Variants in RALGAPA1 observed in about 807,000 individuals in gnomAD.
RALGAPA1 encodes ral GTPase-activating protein subunit alpha-1.
Under a neutral mutation model 269.6 loss-of-function variants are expected in RALGAPA1, and 52 were observed. The observed-to-expected ratio is 0.19, with a 90% CI of 0.15 to 0.24. The LOEUF is 0.24. RALGAPA1 is among the 10% of genes least tolerant of loss of function. The pLI, the probability that RALGAPA1 is intolerant of heterozygous loss-of-function variation, is 1.00. For missense variants in RALGAPA1, 1,917 were observed against 3,013.9 expected (o/e 0.64, Z 8.52); for synonymous variants, 817 against 1,008.3 (o/e 0.81, Z 3.60).
At chr14:35,652,364 T>TTATATATATATA (rs10645179) in intron 30 of RALGAPA1, among the ~76,000 whole-genome samples, 102 of 147,944 alleles carry the variant, frequency 6.9e-4, no homozygotes, top group African/African-American at 2.5e-3. Flanking sequence ...GGCCTTTTGT[T>TTATATATATATA]TATATATATA....
intron 39 of RALGAPA1, among the ~76,000 whole-genome samples, chr14:35,553,128 G>A (rs1238300884): frequency 6.6e-6 from 1 of 152,078 alleles, no homozygotes; most frequent in Non-Finnish European, 1.5e-5. Flanking sequence ...ATACAAATAC[G>A]GGGTAACACA....
intron 12 of RALGAPA1, among the ~76,000 whole-genome samples, chr14:35,737,838 G>GCA (rs1470427041): frequency 1.2e-4 from 16 of 131,854 alleles, no homozygotes; most frequent in Non-Finnish European, 2.0e-4. Context: ...TATAATCCCA[G>GCA]CACTTTGGGA....
Position 35,742,669 on chromosome 14 carries a change from C to T in RALGAPA1, c.1252-104G>A, listed in dbSNP as rs775853786. On this transcript the variant is annotated intron_variant, in intron 10 of 41. Transcript: ENST00000680220. ...TCACATCATAGATTCTTGGAAACTG[C>T]AACTTTAAGCAAAACAATGACATAA... 591 of 769,100 alleles carry T rather than the reference C, an allele frequency of 7.7e-4. 2 individuals are homozygous for T. Among genetic ancestry groups the T allele is most frequent in the Middle Eastern group, 4.9e-3 (20 of 4,084 alleles). 47.6% of individuals were successfully genotyped at this position (769,100 alleles called of 1,614,324 possible).
chr14:35,638,485 AT>A (rs2061803865), intron 31 of RALGAPA1, among the ~76,000 whole-genome samples: 1 of 152,212 alleles, frequency 6.6e-6, no homozygotes, highest in African/African-American at 2.4e-5. Context: ...TATAAAAAAA[AT>A]AAAAAGCAAG....
intron 35 of RALGAPA1, among the ~76,000 whole-genome samples, chr14:35,605,944 G>T (rs1301518433): frequency 1.3e-5 from 2 of 152,176 alleles, no homozygotes; most frequent in African/African-American, 2.4e-5. Context: ...ACTTAAAGGA[G>T]AAGATAAAAT....
chr14:35,553,638 G>A (rs2139168861), intron 39 of RALGAPA1, among the ~76,000 whole-genome samples: 2 of 148,146 alleles, frequency 1.4e-5, no homozygotes, highest in South Asian at 4.2e-4. Context: ...AAATGGAAAT[G>A]TGTGTGTGTG....
intron 16 of RALGAPA1, among the ~76,000 whole-genome samples, chr14:35,715,063 G>A (rs988019174): frequency 6.6e-5 from 10 of 151,972 alleles, no homozygotes; most frequent in African/African-American, 9.7e-5. Flanking sequence ...GTTTAAGTAC[G>A]GGCTTCTACT....
intron 11 of RALGAPA1, among the ~76,000 whole-genome samples, chr14:35,740,185 C>T (rs1174526032): frequency 6.6e-6 from 1 of 152,118 alleles, no homozygotes; most frequent in Non-Finnish European, 1.5e-5. Flanking sequence ...AGGATCATAG[C>T]AGTAACACTG....
intron 4 of RALGAPA1, among the ~76,000 whole-genome samples, chr14:35,764,475 A>G (rs961209485): frequency 6.6e-6 from 1 of 152,116 alleles, no homozygotes; most frequent in Non-Finnish European, 1.5e-5. Context: ...TATCCCAAAC[A>G]ATTCAATCAT....
At chr14:35,745,207 A>G (rs922517197) in intron 10 of RALGAPA1, among the ~76,000 whole-genome samples, 6 of 152,202 alleles carry the variant, frequency 3.9e-5, no homozygotes, top group African/African-American at 1.4e-4. Flanking sequence ...CAGAATATTC[A>G]AGTTCATAAA....
chr14:35,639,040 T>A (rs1157045026), intron 31 of RALGAPA1, among the ~76,000 whole-genome samples: 5 of 151,888 alleles, frequency 3.3e-5, no homozygotes, highest in Admixed American at 3.3e-4. Flanking sequence ...AACCCAACGA[T>A]CTGTTGCCTA....
chr14:35,654,247 G>A (rs1006244718), intron 30 of RALGAPA1, 120 bp downstream of exon 30: 2 of 988,004 alleles, frequency 2.0e-6, no homozygotes, highest in Non-Finnish European at 2.8e-6. Flanking sequence ...AAGCATGATG[G>A]GTAGCCATTA....
intron 31 of RALGAPA1, among the ~76,000 whole-genome samples, chr14:35,640,463 T>C (rs60540415): frequency 0.018 from 2,704 of 152,200 alleles, 83 homozygotes; most frequent in African/African-American, 0.061. Context: ...TATGAACAAC[T>C]ATATGCCAAT....
At chr14:35,755,125 A>C (rs1052374883) in intron 7 of RALGAPA1, among the ~76,000 whole-genome samples, 19 of 152,018 alleles carry the variant, frequency 1.2e-4, no homozygotes, top group African/African-American at 4.3e-4. Context: ...AGGTGGGAGG[A>C]TCACTTGAGC....
chr14:35,564,818 C>G (rs2056563613), intron 39 of RALGAPA1, among the ~76,000 whole-genome samples: 1 of 152,054 alleles, frequency 6.6e-6, no homozygotes, highest in Non-Finnish European at 1.5e-5. Flanking sequence ...AGACATGTTG[C>G]ATTCCATCTA....
intron 39 of RALGAPA1, among the ~76,000 whole-genome samples, chr14:35,569,762 C>T (rs1025783882): frequency 6.6e-6 from 1 of 152,156 alleles, no homozygotes; most frequent in African/African-American, 2.4e-5. Flanking sequence ...CAACACCACT[C>T]CATCCAGGTG....
chr14:35,802,955 T>G lies in RALGAPA1; in HGVS notation c.106+5775A>C, dbSNP rs558327540. On this transcript the variant is annotated intron_variant, in intron 1 of 41. Coordinates refer to ENST00000680220, the MANE Select transcript of RALGAPA1 (RefSeq NM_001346249.2). ...TGCCCACCTGAGCCTCCCAAAGTGC[T>G]GGGATTACAGGTGTGAGCCACCACA... Among the ~76,000 whole-genome samples the G allele has an allele frequency of 5.3e-5, 8 of 152,262 alleles. No individual in the cohort carries two copies. In the South Asian group the frequency reaches 1.5e-3, roughly 28 times the overall value.
chr14:35,550,955 T>C (rs1306762521), intron 39 of RALGAPA1, among the ~76,000 whole-genome samples: 2 of 152,170 alleles, frequency 1.3e-5, no homozygotes, highest in Admixed American at 6.5e-5. Context: ...TATATGGTTA[T>C]AAATAGAAGA....
At chr14:35,674,432 G>T in intron 23 of RALGAPA1, 84 bp downstream of exon 23, 1 of 1,315,058 alleles carries the variant, frequency 7.6e-7, no homozygotes, top group Non-Finnish European at 1.0e-6. Context: ...GTCAAAAAGG[G>T]TGTCACAAAT....
Sources: gnomAD v4.1 joint callset for allele counts (sites outside exome capture counted in the v4.1 genomes callset) on GRCh38, gnomAD v4.1.1 for gene constraint, MANE v1.5 for transcripts, NCBI Gene and HGNC (gene_info 2026-07-23, HGNC 2026-07-21) for gene names.